Variants in TUT4 observed in about 807,000 individuals in gnomAD.
TUT4 encodes terminal uridylyltransferase 4.
A neutral mutation model predicts 192.2 loss-of-function variants in TUT4; 36 were observed. That is an observed-to-expected ratio of 0.19 (90% CI 0.14 to 0.25). The LOEUF is 0.25. Among genes scored for constraint, TUT4 ranks in the 10% least tolerant of loss-of-function variants. The pLI, the probability that TUT4 is intolerant of heterozygous loss-of-function variation, is 1.00. For missense variants in TUT4, 1,493 were observed against 1,957.2 expected, an observed-to-expected ratio of 0.76 and a Z score of 4.47; for synonymous variants, 618 against 666.0, an observed-to-expected ratio of 0.93 and a Z score of 1.11.
At chr1:52,449,330 G>A (rs373187627) in intron 20 of TUT4, among the ~76,000 whole-genome samples, 1 of 152,042 alleles carries the variant, frequency 6.6e-6, no homozygotes, top group Non-Finnish European at 1.5e-5. Context: ...ACAGAGTCTC[G>A]CTCTGTCACC....
chr1:52,454,574 A>G (rs1239290344), intron 20 of TUT4, among the ~76,000 whole-genome samples: 1 of 152,222 alleles, frequency 6.6e-6, no homozygotes, highest in Non-Finnish European at 1.5e-5. Context: ...ACAAAAATTA[A>G]CTCTAAATGG....
At chr1:52,477,618 C>G in intron 12 of TUT4, 90 bp downstream of exon 12, 1 of 1,254,682 alleles carries the variant, frequency 8.0e-7, no homozygotes, top group Non-Finnish European at 1.1e-6. Context: ...ATATATAGTG[C>G]CACAAAGCCA....
rs749757949 is a variant in TUT4, at chr1:52,490,757, C to G, written c.1363G>C (p.Val455Leu). 1.2e-6 allele frequency: 2 copies of G among 1,611,792 alleles called. No homozygotes were observed. The highest frequency in any genetic ancestry group is 3.3e-5 in the Admixed American group (2 of 59,760). ...VESDFHAKVP[V>L]VVCRDRKSGL... ...CTTTTTCGATCTCTGCACACCACAA[C>G]AGGAACTTTAGCGTGAAAATCAGAT... Residue 455 changes from valine to leucine, a missense_variant, in exon 8 of 30, where the codon GTT (valine) becomes CTT (leucine). By Grantham distance (32) the Val-to-Leu change is conservative. This residue lies in a region of TUT4 where 437 missense variants were observed against 577.6 expected (regional missense o/e 0.76). Transcript: ENST00000257177.
At chr1:52,444,583 T>C (rs1420965368) in intron 24 of TUT4, among the ~76,000 whole-genome samples, 1 of 151,350 alleles carries the variant, frequency 6.6e-6, no homozygotes, top group Non-Finnish European at 1.5e-5. Context: ...GTGTGTCTGT[T>C]GGGTTTTGCC....
chr1:52,526,179 C>T lies in TUT4; in HGVS notation c.102G>A (p.Leu34=). The change falls in exon 2 of 30, where the codon TTG becomes TTA. Residue 34 remains leucine (L), a synonymous_variant. Coordinates refer to ENST00000257177, the MANE Select transcript of TUT4 (RefSeq NM_001009881.3). The part of the protein sequence containing the change: ...KAVQVIGNQT[L]KARNDKSVKE... ...TTACGGATTTATCATTTCTAGCTTT[C>T]AATGTTTGATTACCTATAACTTGAA... The T allele has an allele frequency of 6.2e-7, 1 of 1,611,722 alleles. No homozygotes were observed. Among genetic ancestry groups the T allele is most frequent in the Non-Finnish European group, 8.5e-7 (1 of 1,179,768 alleles).
intron 24 of TUT4, among the ~76,000 whole-genome samples, chr1:52,442,185 C>T (rs1199481206): frequency 9.6e-6 from 1 of 103,806 alleles, no homozygotes; most frequent in African/African-American, 6.0e-5. Flanking sequence ...AAAAAAAAAG[C>T]CAAAGTGTAT....
intron 4 of TUT4, among the ~76,000 whole-genome samples, chr1:52,506,112 C>T (rs1402449678): frequency 6.6e-6 from 1 of 152,162 alleles, no homozygotes; most frequent in African/African-American, 2.4e-5. Context: ...GCTACTGCGC[C>T]TGGCCAATGA....
At chr1:52,442,520 A>C (rs1487711318) in intron 24 of TUT4, among the ~76,000 whole-genome samples, 1 of 152,176 alleles carries the variant, frequency 6.6e-6, no homozygotes. Context: ...GCTTGAGATC[A>C]GAAGTGTTTT....
chr1:52,446,459 A>G lies in TUT4; in HGVS notation c.3514-17T>C. ...ACGCTTTTTCTACATATAAAAAAAA[A>G]AAGAAAAGAACAATGTCTATACAGT... On this transcript the variant is annotated splice_polypyrimidine_tract_variant and intron_variant, in intron 21 of 29. Transcript: ENST00000257177. The G allele has an allele frequency of 6.3e-7, 1 of 1,577,564 alleles. No individual in the cohort carries two copies. The highest frequency in any genetic ancestry group is 8.5e-7 in the Non-Finnish European group (1 of 1,170,234).
chr1:52,499,572 C>T (rs1673514010), intron 4 of TUT4, among the ~76,000 whole-genome samples: 1 of 151,682 alleles, frequency 6.6e-6, no homozygotes, highest in African/African-American at 2.4e-5. Flanking sequence ...CCTGTTTCTA[C>T]AAAAAATATA....
At chr1:52,506,760 C>T (rs547559211) in intron 4 of TUT4, among the ~76,000 whole-genome samples, 3 of 152,236 alleles carry the variant, frequency 2.0e-5, no homozygotes, top group Admixed American at 1.3e-4. Flanking sequence ...CTAACAAAGG[C>T]GTCAGTTCAA....
chr1:52,464,801 G>A (rs1365703855), intron 16 of TUT4, among the ~76,000 whole-genome samples: 4 of 152,084 alleles, frequency 2.6e-5, no homozygotes, highest in African/African-American at 7.2e-5. Flanking sequence ...CCAACTTCGT[G>A]ATATATTTTT....
chr1:52,456,380 C>CCA (rs1032200187), intron 20 of TUT4, among the ~76,000 whole-genome samples: 22 of 132,552 alleles, frequency 1.7e-4, no homozygotes, highest in Non-Finnish European at 3.2e-4. Flanking sequence ...CCACTGCACT[C>CCA]CAGCCTGGGC....
In TUT4 at chr1:52,465,182, A is replaced by C; in HGVS notation, c.2966-9T>G. The C allele has an allele frequency of 6.2e-7, 1 of 1,609,178 alleles. No homozygotes were observed. Among genetic ancestry groups the C allele is most frequent in the Non-Finnish European group, 8.5e-7 (1 of 1,176,766 alleles). Reference sequence around the variant, plus strand: ...GCACAACCTTGCCTTTTCTAAGCAAAGGAAAACAAAGTCCAAGGCCTTATT... The same window carrying C: ...GCACAACCTTGCCTTTTCTAAGCAACGGAAAACAAAGTCCAAGGCCTTATT... On this transcript the variant is annotated splice_polypyrimidine_tract_variant and intron_variant, in intron 15 of 29. Transcript: ENST00000257177.
Position 52,461,618 on chromosome 1 carries a change from T to C in TUT4, c.3128-2A>G. 6.3e-7 allele frequency: 1 copy of C among 1,594,360 alleles called. No individual in the cohort carries two copies. The highest frequency in any genetic ancestry group is 1.2e-5 in the South Asian group (1 of 86,738). On this transcript the variant is annotated splice_acceptor_variant, in intron 17 of 29. Transcript: ENST00000257177. LOFTEE classifies it high-confidence loss of function. ...TTATAGGCAAAATGTTTCTTAAACC[T>C]AATTTAAAAAAAAAAGACTTCAGTA...
intron 2 of TUT4, among the ~76,000 whole-genome samples, chr1:52,524,910 T>C (rs1681312330): frequency 6.6e-6 from 1 of 152,248 alleles, no homozygotes; most frequent in Non-Finnish European, 1.5e-5. Context: ...CTGTGTTCCC[T>C]TTCAGCTGCA....
intron 7 of TUT4, among the ~76,000 whole-genome samples, chr1:52,491,521 C>G (rs1417437783): frequency 6.6e-6 from 1 of 151,994 alleles, no homozygotes; most frequent in African/African-American, 2.4e-5. Flanking sequence ...AACCTCGTCT[C>G]TACTAAAAAT....
chr1:52,481,712 C>A, intron 10 of TUT4, 77 bp from the exon 11 acceptor site: 7 of 1,540,872 alleles, frequency 4.5e-6, no homozygotes, highest in Non-Finnish European at 6.1e-6. Context: ...AACAGACAAA[C>A]CAGAATTCCA....
chr1:52,431,991 C>T (rs747206220), intron 27 of TUT4: 1 of 152,520 alleles, frequency 6.6e-6, no homozygotes, highest in East Asian at 1.9e-4. Flanking sequence ...AGGACCCCCA[C>T]AATCCTGTAC....
Sources: allele counts gnomAD v4.1 joint callset (sites outside exome capture counted in the v4.1 genomes callset), GRCh38; gene constraint gnomAD v4.1.1; regional missense constraint gnomAD v4.1.1; transcripts MANE v1.5; gene names NCBI Gene and HGNC (gene_info 2026-07-23, HGNC 2026-07-21).